The following KHDRBS2 variants were observed in gnomAD, a reference collection of about 807,000 sequenced individuals.
KHDRBS2 encodes the protein KH domain-containing, RNA-binding, signal transduction-associated protein 2.
In KHDRBS2, 26 loss-of-function variants were observed where a neutral mutation model predicts 44.3. That is an observed-to-expected ratio of 0.59 (90% CI 0.43 to 0.81). KHDRBS2 has a LOEUF of 0.81. Ranked by LOEUF, KHDRBS2 falls within the 40% of genes least tolerant of loss-of-function variation. KHDRBS2 has a pLI of 0.00. For synonymous variants in KHDRBS2, 194 were observed against 151.1 expected, an observed-to-expected ratio of 1.28 and a Z score of -2.08; for missense variants, 476 against 433.1, an observed-to-expected ratio of 1.10 and a Z score of -0.88.
chr6:61,893,247 C>T (rs1802311868), intron 6 of KHDRBS2, among the ~76,000 whole-genome samples: 1 of 152,130 alleles, frequency 6.6e-6, no homozygotes. Context: ...AGTCAGGAAA[C>T]AACAGGTGCT....
the KHDRBS2 span, among the ~76,000 whole-genome samples, chr6:61,666,672 G>T: frequency 2.0e-5 from 3 of 151,326 alleles, no homozygotes; most frequent in Non-Finnish European, 3.0e-5. Context: ...TTTGAAATAT[G>T]TTGCTTTTAT....
chr6:61,962,751 A>G (rs1185554055), intron 4 of KHDRBS2, among the ~76,000 whole-genome samples: 1 of 152,068 alleles, frequency 6.6e-6, no homozygotes, highest in African/African-American at 2.4e-5. Context: ...TCATGACTAC[A>G]GTCTAGGCCA....
chr6:61,867,235 A>G (rs1475148886), intron 6 of KHDRBS2, among the ~76,000 whole-genome samples: 2 of 152,230 alleles, frequency 1.3e-5, no homozygotes, highest in African/African-American at 4.8e-5. Flanking sequence ...AAGGAGGAAC[A>G]AGTCATGTCT....
the KHDRBS2 span, among the ~76,000 whole-genome samples, chr6:61,644,994 T>C: frequency 6.6e-5 from 10 of 152,122 alleles, no homozygotes; most frequent in African/African-American, 2.4e-4. Flanking sequence ...AAAATTATTC[T>C]ACCATAAAGA....
At chr6:61,598,700 T>C in the KHDRBS2 span, among the ~76,000 whole-genome samples, 1 of 152,202 alleles carries the variant, frequency 6.6e-6, no homozygotes, top group Non-Finnish European at 1.5e-5. Flanking sequence ...TAAGAATTTA[T>C]TGTAGAAGTT....
intron 6 of KHDRBS2, among the ~76,000 whole-genome samples, chr6:61,783,998 CA>C (rs1225663630): frequency 6.6e-6 from 1 of 151,886 alleles, no homozygotes; most frequent in African/African-American, 2.4e-5. Flanking sequence ...AGCATGAAAA[CA>C]AACCTTAGAA....
At chr6:61,587,210 C>G in the KHDRBS2 span, among the ~76,000 whole-genome samples, 1 of 152,150 alleles carries the variant, frequency 6.6e-6, no homozygotes, top group African/African-American at 2.4e-5. Flanking sequence ...ATCAACTAGA[C>G]TTAGCAGATA....
At chr6:62,162,616 G>T (rs1273598872) in intron 2 of KHDRBS2, among the ~76,000 whole-genome samples, 1 of 152,066 alleles carries the variant, frequency 6.6e-6, no homozygotes, top group South Asian at 2.1e-4. Context: ...CCTGGAATTT[G>T]CAATACTTCA....
chr6:61,812,767 C>T (rs115166884), intron 6 of KHDRBS2, among the ~76,000 whole-genome samples: 341 of 151,910 alleles, frequency 2.2e-3, no homozygotes, highest in African/African-American at 7.9e-3. Context: ...TACAAGGAAA[C>T]AAAAACAAAA....
chr6:62,081,640 T>TGGTA (rs1797415489), intron 2 of KHDRBS2, among the ~76,000 whole-genome samples: 8 of 152,130 alleles, frequency 5.3e-5, no homozygotes. Flanking sequence ...ATGTACTGAA[T>TGGTA]GGTAGCACAT....
At position 61,727,132 on chromosome 6, in the gene KHDRBS2, A is replaced by G. The variant is rs1025392627; in HGVS notation, c.893+5550T>C. On this transcript the variant is annotated intron_variant, in intron 7 of 8. Transcript: ENST00000281156. ...GAAATAAGACCACACACCTACAACCATCTGATCTTCTGATCTTCAACAAAC... is the reference window on the plus strand; with the variant it reads ...GAAATAAGACCACACACCTACAACCGTCTGATCTTCTGATCTTCAACAAAC... 2.0e-5 allele frequency among the ~76,000 whole-genome samples: 3 copies of G among 152,108 alleles called. No individual in the cohort carries two copies. In the South Asian group the frequency reaches 6.2e-4, roughly 32 times the overall value.
the KHDRBS2 span, among the ~76,000 whole-genome samples, chr6:61,609,231 C>A: frequency 2.6e-5 from 4 of 152,118 alleles, no homozygotes; most frequent in African/African-American, 9.7e-5. Context: ...TGGTGGTGTG[C>A]ACCTGTAATT....
intron 4 of KHDRBS2, among the ~76,000 whole-genome samples, chr6:61,941,196 G>A (rs1230932040): frequency 6.6e-6 from 1 of 152,098 alleles, no homozygotes; most frequent in Non-Finnish European, 1.5e-5. Flanking sequence ...TCTCCAGGGG[G>A]ACCTGAGGTT....
At chr6:61,958,437 T>C (rs936303100) in intron 4 of KHDRBS2, among the ~76,000 whole-genome samples, 1 of 152,182 alleles carries the variant, frequency 6.6e-6, no homozygotes, top group Non-Finnish European at 1.5e-5. Flanking sequence ...CATGCTGTTG[T>C]CTGTAAGCTG....
the KHDRBS2 span, among the ~76,000 whole-genome samples, chr6:61,569,923 C>A: frequency 7.9e-5 from 12 of 152,264 alleles, no homozygotes; most frequent in Admixed American, 2.0e-4. Flanking sequence ...AGAATATGAA[C>A]AGCAGGCCTT....
intron 4 of KHDRBS2, among the ~76,000 whole-genome samples, chr6:61,975,173 G>T (rs1772310139): frequency 6.6e-6 from 1 of 152,046 alleles, no homozygotes; most frequent in Non-Finnish European, 1.5e-5. Flanking sequence ...ACAACCCTTG[G>T]ACATACAGCA....
At chr6:61,775,237 A>G (rs1164318356) in intron 6 of KHDRBS2, among the ~76,000 whole-genome samples, 3 of 152,144 alleles carry the variant, frequency 2.0e-5, no homozygotes, top group East Asian at 3.9e-4. Flanking sequence ...GGCACAAGAC[A>G]GGGATGCCCT....
the KHDRBS2 span, among the ~76,000 whole-genome samples, chr6:61,637,165 C>A: frequency 6.6e-6 from 1 of 151,910 alleles, no homozygotes; most frequent in Admixed American, 6.6e-5. Flanking sequence ...GTATATCTCC[C>A]AATGCTATCC....
At chr6:61,676,138 G>A (rs1359622133), downstream of KHDRBS2, among the ~76,000 whole-genome samples, 1 of 151,734 alleles carries the variant, frequency 6.6e-6, no homozygotes, top group Admixed American at 6.6e-5. Context: ...TTGCCAGTTA[G>A]GACTACTTGC....
Sources: gnomAD v4.1 joint callset for allele counts (sites outside exome capture counted in the v4.1 genomes callset) on GRCh38, gnomAD v4.1.1 for gene constraint, MANE v1.5 for transcripts, NCBI Gene and HGNC (gene_info 2026-07-23, HGNC 2026-07-21) for gene names.